The following EXOC2 variants were observed in gnomAD, a reference collection of about 807,000 sequenced individuals.
EXOC2 encodes the protein exocyst complex component 2, also known as SEC5-like 1.
A neutral mutation model predicts 131.8 loss-of-function variants in EXOC2; 70 were observed. That is an observed-to-expected ratio of 0.53 (90% confidence interval 0.44 to 0.65). EXOC2 has a LOEUF of 0.65. EXOC2 is among the 30% of genes least tolerant of loss of function. The pLI, the probability that EXOC2 is intolerant of heterozygous loss-of-function variation, is 0.00. For synonymous variants in EXOC2, 411 were observed against 398.4 expected (o/e 1.03, Z -0.38); for missense variants, 923 against 1,108.6 (o/e 0.83, Z 2.38).
rs1280338317 is a variant in EXOC2 at position 501,166 on chromosome 6, TTATATATATCTA to T, written c.2381-1478_2381-1467del. Reference sequence around the variant, plus strand: ...TATATATTATATATATCTATATATATTATATATATCTATATATTATATATATCTATATATATT... The same window carrying T: ...TATATATTATATATATCTATATATATTATATTATATATATCTATATATATT... On this transcript the variant is annotated intron_variant, in intron 23 of 27. Coordinates refer to ENST00000230449, the MANE Select transcript of EXOC2 (RefSeq NM_018303.6). Among the ~76,000 whole-genome samples, 77 of 35,148 alleles carry T rather than the reference TTATATATATCTA, an allele frequency of 2.2e-3. 20 individuals are homozygous for T. In the Admixed American group the frequency reaches 0.035, roughly 16 times the overall value. 23.1% of individuals were successfully genotyped at this position (35,148 alleles called of 152,430 possible). A position where few individuals can be genotyped will look rare whatever the true frequency, so the allele number is the denominator to read the frequency against.
intron 25 of EXOC2, among the ~76,000 whole-genome samples, chr6:491,405 T>A (rs146021408): frequency 0.012 from 1,818 of 152,358 alleles, 17 homozygotes; most frequent in Non-Finnish European, 0.018. Context: ...TAGTCAAGGA[T>A]GACTGTGTGA....
In EXOC2 at chr6:564,857, T is replaced by C. The variant is rs769657507; in HGVS notation, c.1509+7A>G. 6.2e-7 allele frequency: 1 copy of C among 1,612,848 alleles called. No individual in the cohort carries two copies. The highest frequency in any genetic ancestry group is 1.7e-5 in the Admixed American group (1 of 59,762). On this transcript the variant is annotated splice_region_variant and intron_variant, in intron 14 of 27. Transcript: ENST00000230449. ...AAAAGGTCTACATACTTATCACCCT[T>C]ACTCACCTTAAAATCATTTTGTCTT...
At chr6:527,970 A>G (rs1050165773) in intron 23 of EXOC2, among the ~76,000 whole-genome samples, 1 of 152,242 alleles carries the variant, frequency 6.6e-6, no homozygotes, top group Admixed American at 6.5e-5. Flanking sequence ...AGTAAAGACC[A>G]ACAGTATTCT....
chr6:607,882 T>A (rs1487363887), intron 7 of EXOC2, among the ~76,000 whole-genome samples: 2 of 152,176 alleles, frequency 1.3e-5, no homozygotes, highest in African/African-American at 4.8e-5. Context: ...CAAAAGAAAG[T>A]GTCAAAACTG....
chr6:669,249 G>C (rs538152647), intron 1 of EXOC2: 1 of 152,442 alleles, frequency 6.6e-6, no homozygotes, highest in South Asian at 2.1e-4. Flanking sequence ...ACAGGTGTCT[G>C]TGGATGAAGA....
chr6:505,257 A>G (rs979945112), intron 23 of EXOC2, among the ~76,000 whole-genome samples: 2 of 152,212 alleles, frequency 1.3e-5, no homozygotes, highest in Non-Finnish European at 2.9e-5. Context: ...GGAAGTTAGA[A>G]TTTCCGTTCA....
chr6:542,423 T>C (rs1467795313), intron 22 of EXOC2, among the ~76,000 whole-genome samples: 1 of 152,170 alleles, frequency 6.6e-6, no homozygotes, highest in African/African-American at 2.4e-5. Flanking sequence ...CGGTGCACCT[T>C]GCACTTCGGG....
intron 6 of EXOC2, among the ~76,000 whole-genome samples, chr6:612,443 T>G (rs1359000958): frequency 6.6e-6 from 1 of 152,222 alleles, no homozygotes; most frequent in Non-Finnish European, 1.5e-5. Flanking sequence ...TAGTTTCTAT[T>G]TCTTATTTTA....
At chr6:578,521 T>G (rs1758710945) in intron 11 of EXOC2, among the ~76,000 whole-genome samples, 1 of 152,200 alleles carries the variant, frequency 6.6e-6, no homozygotes, top group Non-Finnish European at 1.5e-5. Context: ...GAGGCCCTCC[T>G]ACCGTGTGCC....
intron 18 of EXOC2, 65 bp from the exon 19 acceptor site, chr6:556,078 T>G: frequency 2.1e-6 from 3 of 1,453,406 alleles, no homozygotes; most frequent in Non-Finnish European, 2.9e-6. Flanking sequence ...GTATATGAAG[T>G]TAGATATGAA....
chr6:569,660 T>TCC (rs1561868897), intron 13 of EXOC2, among the ~76,000 whole-genome samples: 3 of 152,224 alleles, frequency 2.0e-5, no homozygotes, highest in African/African-American at 4.8e-5. Context: ...CCCTGCGCTT[T>TCC]CCTCTAGCTC....
intron 17 of EXOC2, among the ~76,000 whole-genome samples, chr6:558,761 C>T (rs1042539968): frequency 2.0e-5 from 3 of 151,724 alleles, no homozygotes; most frequent in Admixed American, 6.6e-5. Flanking sequence ...TGCAGTAAGC[C>T]GAGATCATGC....
intron 19 of EXOC2, among the ~76,000 whole-genome samples, chr6:555,526 T>C (rs2127574313): frequency 6.6e-6 from 1 of 152,298 alleles, no homozygotes; most frequent in Non-Finnish European, 1.5e-5. Flanking sequence ...TATGTTTTGA[T>C]CAATTATTAA....
intron 1 of EXOC2, among the ~76,000 whole-genome samples, chr6:671,336 A>AAAC (rs1243152686): frequency 2.3e-5 from 3 of 128,436 alleles, no homozygotes; most frequent in Non-Finnish European, 3.4e-5. Flanking sequence ...GACTGTCTCA[A>AAAC]AACAACAACA....
chr6:632,754 G>C (rs950320240), intron 3 of EXOC2, among the ~76,000 whole-genome samples, 187 bp downstream of exon 3: 1 of 152,184 alleles, frequency 6.6e-6, no homozygotes, highest in African/African-American at 2.4e-5. Context: ...TGTTACCTCA[G>C]CACACTGCCT....
At chr6:523,051 T>C (rs1032110334) in intron 23 of EXOC2, among the ~76,000 whole-genome samples, 1 of 151,994 alleles carries the variant, frequency 6.6e-6, no homozygotes, top group African/African-American at 2.4e-5. Context: ...GGAGTGAGAC[T>C]GGAGAGGAAG....
intron 11 of EXOC2, among the ~76,000 whole-genome samples, chr6:582,513 C>T (rs1462920651): frequency 1.3e-5 from 2 of 151,820 alleles, no homozygotes; most frequent in Non-Finnish European, 2.9e-5. Context: ...CACAGCAGCC[C>T]GACCACCCAC....
chr6:586,234 C>T (rs1038068688), intron 11 of EXOC2, among the ~76,000 whole-genome samples: 2 of 152,188 alleles, frequency 1.3e-5, no homozygotes, highest in Non-Finnish European at 2.9e-5. Context: ...CAGACACACT[C>T]GAGTCAAGAG....
chr6:582,306 G>A (rs1758951759), intron 11 of EXOC2, among the ~76,000 whole-genome samples: 1 of 152,028 alleles, frequency 6.6e-6, no homozygotes, highest in Non-Finnish European at 1.5e-5. Context: ...AGGGAAGCCT[G>A]CAGACACGGA....
Sources: gnomAD v4.1 joint callset for allele counts (sites outside exome capture counted in the v4.1 genomes callset) on GRCh38, gnomAD v4.1.1 for gene constraint, MANE v1.5 for transcripts, NCBI Gene and HGNC (gene_info 2026-07-23, HGNC 2026-07-21) for gene names.